Variants in HS6ST3 observed in about 807,000 individuals in gnomAD.
HS6ST3 encodes the protein heparan sulfate 6-O-sulfotransferase 3, also known as heparan-sulfate 6-O-sulfotransferase 3.
HS6ST3 carries 12 observed loss-of-function variants against 36.7 expected under a neutral mutation model. The ratio of observed to expected loss-of-function variants is 0.33; its 90% confidence interval spans 0.21 to 0.53. The LOEUF is 0.53. Ranked by LOEUF, HS6ST3 falls within the 20% of genes least tolerant of loss-of-function variation. HS6ST3 has a pLI of 0.95. For synonymous variants in HS6ST3, 240 were observed against 257.5 expected, an observed-to-expected ratio of 0.93 and a Z score of 0.65; for missense variants, 584 against 640.9, an observed-to-expected ratio of 0.91 and a Z score of 0.96.
intron 1 of HS6ST3, among the ~76,000 whole-genome samples, chr13:96,533,161 A>C (rs1020923228): frequency 5.9e-5 from 9 of 152,186 alleles, no homozygotes; most frequent in African/African-American, 1.9e-4. Context: ...TATTGCTTGC[A>C]TTTGAAATGG....
At chr13:96,408,028 C>A (rs2055487791) in intron 1 of HS6ST3, among the ~76,000 whole-genome samples, 1 of 152,114 alleles carries the variant, frequency 6.6e-6, no homozygotes, top group African/African-American at 2.4e-5. Context: ...GCAACCTCCG[C>A]CCCTGGGTTC....
At chr13:96,709,526 A>C (rs904423861) in intron 1 of HS6ST3, among the ~76,000 whole-genome samples, 4 of 151,988 alleles carry the variant, frequency 2.6e-5, no homozygotes, top group Non-Finnish European at 5.9e-5. Context: ...CTTTTGGAGG[A>C]CTTAGGCCGT....
At chr13:96,122,810 A>G (rs1023169144) in intron 1 of HS6ST3, among the ~76,000 whole-genome samples, 29 of 152,274 alleles carry the variant, frequency 1.9e-4, no homozygotes, top group African/African-American at 6.5e-4. Flanking sequence ...TAACAAACAA[A>G]TAGAAGGCTT....
chr13:96,162,581 CT>C (rs2054141022), intron 1 of HS6ST3, among the ~76,000 whole-genome samples: 2 of 152,132 alleles, frequency 1.3e-5, no homozygotes, highest in South Asian at 4.1e-4. Context: ...AGAGGCGATA[CT>C]TGAAGGATTT....
chr13:96,293,640 A>C (rs1012754667), intron 1 of HS6ST3, among the ~76,000 whole-genome samples: 1 of 152,120 alleles, frequency 6.6e-6, no homozygotes, highest in East Asian at 1.9e-4. Flanking sequence ...TAAGTATTAC[A>C]TATTTTTCCT....
chr13:96,225,725 A>G (rs1398669025), intron 1 of HS6ST3, among the ~76,000 whole-genome samples: 5 of 152,112 alleles, frequency 3.3e-5, no homozygotes, highest in Admixed American at 1.3e-4. Flanking sequence ...TGGCAATTCT[A>G]TTTACCCAGA....
Position 96,618,443 on chromosome 13 carries a change from T to G in HS6ST3, c.708-214047T>G, listed in dbSNP as rs189584665. On this transcript the variant is annotated intron_variant, in intron 1 of 1. Transcript: ENST00000376705. ...AGTAATTTTTACCTTTCTGGGCCAT[T>G]GTGAGGATAAGGAATGATATATGAA... Among the ~76,000 whole-genome samples the G allele has an allele frequency of 3.3e-5, 5 of 152,222 alleles. No individual in the cohort carries two copies. The East Asian group carries it at 9.7e-4, about 29-fold the overall frequency.
intron 1 of HS6ST3, among the ~76,000 whole-genome samples, chr13:96,539,279 T>A (rs1467315922): frequency 6.6e-6 from 1 of 152,198 alleles, no homozygotes; most frequent in Non-Finnish European, 1.5e-5. Flanking sequence ...TAATCTGAGC[T>A]CCAATGTGTC....
chr13:96,398,254 T>C (rs1057046435), intron 1 of HS6ST3, among the ~76,000 whole-genome samples: 4 of 152,148 alleles, frequency 2.6e-5, no homozygotes, highest in Admixed American at 6.5e-5. Flanking sequence ...CCTTGTCTCA[T>C]TTTAGTTCTT....
At chr13:96,532,394 T>C (rs916168744) in intron 1 of HS6ST3, among the ~76,000 whole-genome samples, 46 of 152,248 alleles carry the variant, frequency 3.0e-4, no homozygotes, top group African/African-American at 1.1e-3. Flanking sequence ...TGCAAATGTG[T>C]TGCACACTCT....
intron 1 of HS6ST3, among the ~76,000 whole-genome samples, chr13:96,400,676 G>T (rs1471503882): frequency 6.6e-6 from 1 of 152,128 alleles, no homozygotes. Context: ...AAGGTATTGG[G>T]ACTGAAGGGC....
chr13:96,322,480 C>G (rs1428832077), intron 1 of HS6ST3, among the ~76,000 whole-genome samples: 1 of 151,862 alleles, frequency 6.6e-6, no homozygotes, highest in African/African-American at 2.4e-5. Flanking sequence ...TGGCTTGAGC[C>G]TGGGAGGCGG....
At chr13:96,302,124 G>A (rs2054886447) in intron 1 of HS6ST3, among the ~76,000 whole-genome samples, 1 of 151,748 alleles carries the variant, frequency 6.6e-6, no homozygotes, top group Non-Finnish European at 1.5e-5. Flanking sequence ...AATTGAGGAA[G>A]CCTCTCAGGA....
intron 1 of HS6ST3, among the ~76,000 whole-genome samples, chr13:96,124,704 C>T (rs1437038835): frequency 2.0e-5 from 3 of 152,170 alleles, no homozygotes; most frequent in East Asian, 1.9e-4. Context: ...AAGGAGTCAT[C>T]CACATTAAGA....
At chr13:96,774,454 T>G (rs750549516) in intron 1 of HS6ST3, among the ~76,000 whole-genome samples, 8 of 152,174 alleles carry the variant, frequency 5.3e-5, no homozygotes, top group Admixed American at 4.6e-4. Context: ...GAGGAATTGC[T>G]AACTAGAATA....
chr13:96,817,508 A>G (rs1480682105), intron 1 of HS6ST3, among the ~76,000 whole-genome samples: 1 of 152,238 alleles, frequency 6.6e-6, no homozygotes, highest in Non-Finnish European at 1.5e-5. Flanking sequence ...AATAGTTCTC[A>G]GCACTTAACT....
chr13:96,570,838 G>A (rs1300466500), intron 1 of HS6ST3, among the ~76,000 whole-genome samples: 3 of 152,182 alleles, frequency 2.0e-5, no homozygotes, highest in African/African-American at 7.2e-5. Context: ...AAGTACTATA[G>A]TAATGGTTTG....
At chr13:96,335,388 T>C (rs986814337) in intron 1 of HS6ST3, among the ~76,000 whole-genome samples, 1 of 152,200 alleles carries the variant, frequency 6.6e-6, no homozygotes, top group Non-Finnish European at 1.5e-5. Context: ...TGAACTGACC[T>C]TGGTGATGAA....
chr13:96,240,059 A>G (rs1378175501), intron 1 of HS6ST3, among the ~76,000 whole-genome samples: 1 of 152,176 alleles, frequency 6.6e-6, no homozygotes, highest in East Asian at 1.9e-4. Flanking sequence ...ATTTCAAGCA[A>G]ATTTGGGGTC....
Sources: gnomAD v4.1 joint callset for allele counts (sites outside exome capture counted in the v4.1 genomes callset) on GRCh38, gnomAD v4.1.1 for gene constraint, MANE v1.5 for transcripts, NCBI Gene and HGNC (gene_info 2026-07-23, HGNC 2026-07-21) for gene names.